CTNNA2: variants seen among roughly 807,000 people sequenced by gnomAD.
CTNNA2 encodes catenin alpha 2.
Under a neutral mutation model 101.0 loss-of-function variants are expected in CTNNA2, and 42 were observed. The ratio of observed to expected loss-of-function variants is 0.42; its 90% CI spans 0.32 to 0.54. The LOEUF is 0.54. Ranked by LOEUF, CTNNA2 falls within the 20% of genes least tolerant of loss-of-function variation. The probability of loss-of-function intolerance (pLI) is 0.14; values close to 1 mark genes in which losing one functional copy is unlikely to be tolerated. For missense variants in CTNNA2, 871 were observed against 1,223.1 expected (o/e 0.71, Z 4.29); for synonymous variants, 450 against 456.4 (o/e 0.99, Z 0.18).
At chr2:79,824,783 A>G (rs947498701) in intron 3 of CTNNA2, among the ~76,000 whole-genome samples, 1 of 152,192 alleles carries the variant, frequency 6.6e-6, no homozygotes, top group Non-Finnish European at 1.5e-5. Context: ...TATACCTTCT[A>G]AATCATCAAA....
In CTNNA2 at chr2:79,646,825, A is replaced by G. The variant is rs78874056; in HGVS notation, c.-5-4727A>G. Among the ~76,000 whole-genome samples the G allele has an allele frequency of 8.5e-3, 1,295 of 152,272 alleles. 27 individuals are homozygous for G. The highest frequency in any genetic ancestry group is 0.028 in the African/African-American group (1,177 of 41,562). On this transcript the variant is annotated intron_variant, in intron 1 of 18. Transcript: ENST00000402739. Reference sequence around the variant, plus strand: ...ATTACAGGCATGAGCCACTGTGCCCAGCTAAAACTTTTCACGAAGAAACTC... The same window carrying G: ...ATTACAGGCATGAGCCACTGTGCCCGGCTAAAACTTTTCACGAAGAAACTC...
At chr2:79,585,071 A>T (rs1676394961) in intron 1 of CTNNA2, among the ~76,000 whole-genome samples, 1 of 152,108 alleles carries the variant, frequency 6.6e-6, no homozygotes, top group African/African-American at 2.4e-5. Flanking sequence ...ACATTTCTGT[A>T]TACATAGTTT....
chr2:80,278,825 T>A (rs1278108096), intron 7 of CTNNA2, among the ~76,000 whole-genome samples: 1 of 151,702 alleles, frequency 6.6e-6, no homozygotes, highest in Non-Finnish European at 1.5e-5. Context: ...AAAATATATA[T>A]ATATCAGTTG....
chr2:79,258,893 C>G (rs186699717), intron 2 of CTNNA2, among the ~76,000 whole-genome samples: 1 of 147,848 alleles, frequency 6.8e-6, no homozygotes, highest in Non-Finnish European at 1.5e-5. Flanking sequence ...CTGATTGTAC[C>G]GAATATGGAG....
intron 8 of CTNNA2, among the ~76,000 whole-genome samples, chr2:80,402,637 G>A (rs1678657602): frequency 6.6e-6 from 1 of 151,832 alleles, no homozygotes; most frequent in Non-Finnish European, 1.5e-5. Flanking sequence ...TCAAATATTA[G>A]ACAAAAGATT....
chr2:80,241,217 A>G (rs187412746), intron 7 of CTNNA2, among the ~76,000 whole-genome samples: 386 of 148,150 alleles, frequency 2.6e-3, no homozygotes, highest in African/African-American at 9.7e-3. Context: ...GATTTTATGG[A>G]GTCCTTTTTT....
chr2:80,396,573 C>T (rs1219723431), intron 8 of CTNNA2, among the ~76,000 whole-genome samples: 1 of 152,190 alleles, frequency 6.6e-6, no homozygotes, highest in Admixed American at 6.5e-5. Flanking sequence ...GCCAACTGTA[C>T]CCCTATTCCC....
chr2:79,412,310 C>T (rs1409954388), intron 4 of CTNNA2, among the ~76,000 whole-genome samples: 1 of 151,926 alleles, frequency 6.6e-6, no homozygotes, highest in African/African-American at 2.4e-5. Context: ...ACTTTAACAC[C>T]CCACTGTCAA....
At chr2:79,772,940 T>G (rs1465515856) in intron 3 of CTNNA2, among the ~76,000 whole-genome samples, 8 of 152,228 alleles carry the variant, frequency 5.3e-5, no homozygotes, top group Admixed American at 5.2e-4. Context: ...TTTTCAGTTG[T>G]TCTATCAAAC....
At chr2:79,407,622 G>C (rs1026526006) in intron 4 of CTNNA2, among the ~76,000 whole-genome samples, 2 of 151,950 alleles carry the variant, frequency 1.3e-5, no homozygotes, top group Non-Finnish European at 2.9e-5. Context: ...AGGAGGAGGA[G>C]GAGGGCAGAA....
At chr2:79,316,067 A>C (rs1676489504) in intron 3 of CTNNA2, among the ~76,000 whole-genome samples, 1 of 152,104 alleles carries the variant, frequency 6.6e-6, no homozygotes, top group Non-Finnish European at 1.5e-5. Flanking sequence ...AAGTTTTCCT[A>C]AAAGAGTTTC....
At chr2:79,325,764 T>A (rs1676732030) in intron 3 of CTNNA2, among the ~76,000 whole-genome samples, 1 of 152,230 alleles carries the variant, frequency 6.6e-6, no homozygotes, top group South Asian at 2.1e-4. Flanking sequence ...TCTTGTTTCA[T>A]CACAACACTT....
At chr2:80,083,314 C>T (rs1485071520) in intron 7 of CTNNA2, among the ~76,000 whole-genome samples, 1 of 152,114 alleles carries the variant, frequency 6.6e-6, no homozygotes, top group African/African-American at 2.4e-5. Context: ...TAGACTGAAA[C>T]ATTTTGTTAC....
At chr2:80,260,579 G>A (rs78418800) in intron 7 of CTNNA2, among the ~76,000 whole-genome samples, 9,489 of 152,058 alleles carry the variant, frequency 0.062, 468 homozygotes, top group South Asian at 0.29. Flanking sequence ...GTTTTTCAAC[G>A]CGAGGCTTTC....
chr2:80,377,399 A>C (rs1210573017), intron 7 of CTNNA2, among the ~76,000 whole-genome samples: 2 of 152,242 alleles, frequency 1.3e-5, no homozygotes, highest in Admixed American at 6.5e-5. Flanking sequence ...TGTTGTATGC[A>C]TTTTCTTATT....
At chr2:80,391,844 A>C (rs1268951250) in intron 7 of CTNNA2, among the ~76,000 whole-genome samples, 2 of 152,192 alleles carry the variant, frequency 1.3e-5, no homozygotes, top group Non-Finnish European at 2.9e-5. Context: ...CTACTTAAAA[A>C]CCTTAGTGTC....
intron 7 of CTNNA2, among the ~76,000 whole-genome samples, chr2:80,056,042 A>G (rs1477010075): frequency 6.6e-6 from 1 of 152,236 alleles, no homozygotes; most frequent in Non-Finnish European, 1.5e-5. Flanking sequence ...ATGCATGTTC[A>G]ACTGTCATAG....
At chr2:80,362,963 C>G (rs1674557343) in intron 7 of CTNNA2, among the ~76,000 whole-genome samples, 1 of 149,144 alleles carries the variant, frequency 6.7e-6, no homozygotes, top group Non-Finnish European at 1.5e-5. Context: ...TACCACTGCA[C>G]CATGGCATTC....
At chr2:80,572,215 A>C (rs973448913) in intron 12 of CTNNA2, among the ~76,000 whole-genome samples, 7 of 152,346 alleles carry the variant, frequency 4.6e-5, no homozygotes, top group Middle Eastern at 3.4e-3. Context: ...GTATGAAATT[A>C]CATCTCATTG....
Sources: allele counts gnomAD v4.1 joint callset (sites outside exome capture counted in the v4.1 genomes callset), GRCh38; gene constraint gnomAD v4.1.1; transcripts MANE v1.5; gene names NCBI Gene and HGNC (gene_info 2026-07-23, HGNC 2026-07-21).